The following PCDH7 variants were observed in gnomAD, a reference collection of about 807,000 sequenced individuals.
PCDH7 encodes protocadherin-7.
A neutral mutation model predicts 58.9 loss-of-function variants in PCDH7; 17 were observed. The observed-to-expected ratio is 0.29, with a 90% CI of 0.20 to 0.43. The LOEUF (loss-of-function observed/expected upper bound fraction) is 0.43. PCDH7 is among the 20% of genes least tolerant of loss of function. The pLI is 1.00. For missense variants in PCDH7, 1,274 were observed against 1,441.0 expected, an observed-to-expected ratio of 0.88 and a Z score of 1.88; for synonymous variants, 664 against 616.4, an observed-to-expected ratio of 1.08 and a Z score of -1.14.
intron 3 of PCDH7, among the ~76,000 whole-genome samples, chr4:31,115,740 A>G (rs1258820165): frequency 3.3e-5 from 5 of 152,228 alleles, no homozygotes; most frequent in South Asian, 2.1e-4. Flanking sequence ...GGAGGAAGCT[A>G]TATTGAATTT....
intron 1 of PCDH7, among the ~76,000 whole-genome samples, chr4:30,894,510 T>C (rs1234787415): frequency 2.0e-5 from 1 of 49,466 alleles, no homozygotes; most frequent in Non-Finnish European, 3.3e-5. Flanking sequence ...TATATATATA[T>C]ATATATACAC....
chr4:30,913,130 A>G (rs912613460), intron 1 of PCDH7, among the ~76,000 whole-genome samples: 29 of 151,758 alleles, frequency 1.9e-4, no homozygotes, highest in African/African-American at 7.0e-4. Flanking sequence ...AATGTTACAC[A>G]TATTTTGCAA....
intron 1 of PCDH7, among the ~76,000 whole-genome samples, chr4:30,806,367 C>A (rs1489543856): frequency 6.6e-6 from 1 of 151,936 alleles, no homozygotes; most frequent in African/African-American, 2.4e-5. Context: ...TGCAGTTGCA[C>A]AATCTTGGCT....
At chr4:30,797,955 A>G (rs1725007807) in intron 1 of PCDH7, among the ~76,000 whole-genome samples, 2 of 152,158 alleles carry the variant, frequency 1.3e-5, no homozygotes, top group Non-Finnish European at 2.9e-5. Context: ...GTGAATCTGT[A>G]ACAAATCATG....
At chr4:30,797,105 C>G (rs928456780) in intron 1 of PCDH7, among the ~76,000 whole-genome samples, 1 of 152,014 alleles carries the variant, frequency 6.6e-6, no homozygotes, top group African/African-American at 2.4e-5. Flanking sequence ...GGACTACAGG[C>G]GCATGCCACC....
intron 1 of PCDH7, chr4:30,725,327 G>A: frequency 1.0e-6 from 1 of 981,932 alleles, no homozygotes; most frequent in Non-Finnish European, 1.2e-6. Context: ...CATTGCATGA[G>A]CCATTTATTA....
At chr4:30,885,678 A>C (rs1737632256) in intron 1 of PCDH7, among the ~76,000 whole-genome samples, 1 of 152,156 alleles carries the variant, frequency 6.6e-6, no homozygotes, top group African/African-American at 2.4e-5. Flanking sequence ...ATCCTAAGCC[A>C]AAAGAACAAA....
downstream of PCDH7, among the ~76,000 whole-genome samples, chr4:30,737,133 G>A (rs150718115): frequency 6.6e-6 from 1 of 152,212 alleles, no homozygotes; most frequent in Non-Finnish European, 1.5e-5. Context: ...GTGTGACCTT[G>A]TGAAGTCCCG....
In PCDH7 at chr4:30,897,429, T is replaced by C. The variant is rs547867753; in HGVS notation, c.71-22724T>C. Among the ~76,000 whole-genome samples the C allele has an allele frequency of 2.5e-3, 375 of 152,146 alleles. 1 individual carries two copies. The highest frequency in any genetic ancestry group is 2.6e-3 in the Non-Finnish European group (175 of 67,988). On this transcript the variant is annotated intron_variant, in intron 1 of 3. Transcript: ENST00000509759. ...ATTCATGCCAAAGTGTTTGTGGAAGTTTTTTTTAAGGTTTTCCTAAAGAAA... is the reference window on the plus strand; with the variant it reads ...ATTCATGCCAAAGTGTTTGTGGAAGCTTTTTTTAAGGTTTTCCTAAAGAAA...
At chr4:30,823,580 A>G (rs943676587) in intron 1 of PCDH7, among the ~76,000 whole-genome samples, 4 of 151,938 alleles carry the variant, frequency 2.6e-5, no homozygotes, top group African/African-American at 7.2e-5. Flanking sequence ...ATATGATGCT[A>G]CCTCGGCGTA....
At chr4:31,085,648 T>TA (rs1265552196) in intron 3 of PCDH7, among the ~76,000 whole-genome samples, 2 of 152,290 alleles carry the variant, frequency 1.3e-5, no homozygotes, top group East Asian at 1.9e-4. Context: ...CAACACTAGA[T>TA]ATTACATTTC....
intron 1 of PCDH7, among the ~76,000 whole-genome samples, chr4:30,849,106 T>C (rs1732370298): frequency 6.6e-6 from 1 of 152,014 alleles, no homozygotes; most frequent in African/African-American, 2.4e-5. Context: ...TGGAGAAAAA[T>C]AGCATAGGGA....
chr4:30,817,023 C>G (rs918189199), intron 1 of PCDH7, among the ~76,000 whole-genome samples: 1 of 152,090 alleles, frequency 6.6e-6, no homozygotes, highest in Non-Finnish European at 1.5e-5. Context: ...CAAGAGAAGT[C>G]ATTAACAATA....
At chr4:30,931,960 A>G (rs1193791644) in intron 2 of PCDH7, among the ~76,000 whole-genome samples, 1 of 151,516 alleles carries the variant, frequency 6.6e-6, no homozygotes, top group African/African-American at 2.4e-5. Context: ...TATGACTTTT[A>G]TATTTTATTT....
chr4:30,901,212 G>A (rs890636171), intron 1 of PCDH7, among the ~76,000 whole-genome samples: 1 of 152,074 alleles, frequency 6.6e-6, no homozygotes, highest in African/African-American at 2.4e-5. Flanking sequence ...AAGGCTACCA[G>A]CTTCCAAAAA....
chr4:30,907,046 A>G (rs1197149353), intron 1 of PCDH7, among the ~76,000 whole-genome samples: 1 of 152,074 alleles, frequency 6.6e-6, no homozygotes, highest in East Asian at 1.9e-4. Flanking sequence ...AATAAAGCAG[A>G]TTATGGTCCC....
intron 2 of PCDH7, among the ~76,000 whole-genome samples, chr4:30,930,922 G>A (rs1744495447): frequency 6.6e-6 from 1 of 152,028 alleles, no homozygotes; most frequent in Non-Finnish European, 1.5e-5. Flanking sequence ...CTGAGTGACA[G>A]ACTGAGACCC....
intron 3 of PCDH7, among the ~76,000 whole-genome samples, chr4:31,043,051 G>C (rs999945428): frequency 6.6e-6 from 1 of 151,954 alleles, no homozygotes; most frequent in Non-Finnish European, 1.5e-5. Flanking sequence ...TCATGATAAT[G>C]CATTAATCCA....
At chr4:31,124,189 C>T (rs1028785156) in intron 3 of PCDH7, among the ~76,000 whole-genome samples, 2 of 152,176 alleles carry the variant, frequency 1.3e-5, no homozygotes, top group Admixed American at 6.5e-5. Flanking sequence ...CACTCTTCTA[C>T]GCAGTATTTG....
Sources: allele counts gnomAD v4.1 joint callset (sites outside exome capture counted in the v4.1 genomes callset), GRCh38; gene constraint gnomAD v4.1.1; transcripts MANE v1.5; gene names NCBI Gene and HGNC (gene_info 2026-07-23, HGNC 2026-07-21).